TNRC6A: variants seen among roughly 807,000 people sequenced by gnomAD.
TNRC6A encodes the protein trinucleotide repeat-containing gene 6A protein.
In TNRC6A, 44 loss-of-function variants were observed where a neutral mutation model predicts 221.2. The ratio of observed to expected loss-of-function variants is 0.20; its 90% CI spans 0.16 to 0.26. The LOEUF is 0.26. Among genes scored for constraint, TNRC6A ranks in the 10% least tolerant of loss-of-function variants. TNRC6A has a pLI of 1.00. For missense variants in TNRC6A, 2,199 were observed against 2,404.4 expected (o/e 0.91, Z 1.79); for synonymous variants, 847 against 838.5 (o/e 1.01, Z -0.18).
intron 2 of TNRC6A, among the ~76,000 whole-genome samples, chr16:24,657,856 A>G (rs1167497174): frequency 2.0e-5 from 3 of 151,914 alleles, no homozygotes; most frequent in Non-Finnish European, 2.9e-5. Flanking sequence ...TTTTTAAGCC[A>G]AGTTATATGG....
intron 19 of TNRC6A, 105 bp from the exon 20 acceptor site, chr16:24,816,711 T>C: frequency 3.0e-6 from 4 of 1,327,764 alleles, no homozygotes; most frequent in Non-Finnish European, 1.0e-6. Flanking sequence ...AATTGGAAAG[T>C]ATTTGAGAGT....
At position 24,806,193 on chromosome 16, in the gene TNRC6A, A is replaced by C. The variant is rs117721953; in HGVS notation, c.4252-13A>C. The stretch of plus-strand genomic sequence containing the variant: ...GTGTGATAGTAACAACCTTTTCGCT[A>C]TCTTTCCTCTAGCGATTGTTAGCGC... On this transcript the variant is annotated splice_polypyrimidine_tract_variant and intron_variant, in intron 15 of 24. Transcript: ENST00000395799. 9 of 1,613,532 alleles carry C rather than the reference A, an allele frequency of 5.6e-6. No individual in the cohort carries two copies. The highest frequency in any genetic ancestry group is 6.8e-6 in the Non-Finnish European group (8 of 1,179,882).
chr16:24,660,000 A>G (rs937593968), intron 2 of TNRC6A, among the ~76,000 whole-genome samples: 3 of 152,256 alleles, frequency 2.0e-5, no homozygotes, highest in Admixed American at 6.5e-5. Context: ...GGTGAGCTAT[A>G]GTCATATGTT....
At chr16:24,696,302 C>A (rs892672644) in intron 2 of TNRC6A, among the ~76,000 whole-genome samples, 6 of 148,800 alleles carry the variant, frequency 4.0e-5, no homozygotes, top group Non-Finnish European at 8.9e-5. Flanking sequence ...GAGCCCAGAT[C>A]GCGCCACTGC....
chr16:24,657,337 A>C (rs58698309), intron 2 of TNRC6A, among the ~76,000 whole-genome samples: 12 of 134,218 alleles, frequency 8.9e-5, no homozygotes, highest in African/African-American at 2.6e-4. Context: ...AAAAAAAAAA[A>C]AAAAACAAAC....
chr16:24,756,128 T>C (rs1440714062), intron 3 of TNRC6A, among the ~76,000 whole-genome samples: 2 of 152,190 alleles, frequency 1.3e-5, no homozygotes, highest in African/African-American at 2.4e-5. Flanking sequence ...TGTTACTATT[T>C]TGACATGTCA....
At chr16:24,763,847 A>G (rs562931021) in intron 4 of TNRC6A, among the ~76,000 whole-genome samples, 62 of 152,228 alleles carry the variant, frequency 4.1e-4, no homozygotes, top group African/African-American at 1.3e-3. Context: ...CATTTTCTCC[A>G]TAAGATCTTG....
At chr16:24,747,010 G>A (rs924862225) in intron 2 of TNRC6A, among the ~76,000 whole-genome samples, 17 of 152,158 alleles carry the variant, frequency 1.1e-4, no homozygotes, top group Non-Finnish European at 2.9e-5. Context: ...AACGGTACAA[G>A]TAAATCATTT....
chr16:24,731,855 C>G (rs528265688), intron 2 of TNRC6A, among the ~76,000 whole-genome samples: 80 of 152,358 alleles, frequency 5.3e-4, no homozygotes, highest in African/African-American at 1.8e-3. Context: ...TGGCAAGTCA[C>G]TTAGCCTCTC....
Position 24,694,882 on chromosome 16 carries a change from A to G in TNRC6A, n.402+53873A>G, listed in dbSNP as rs1265488680. 3.3e-5 allele frequency among the ~76,000 whole-genome samples: 5 copies of G among 151,840 alleles called. No individual in the cohort carries two copies. In the South Asian group the frequency reaches 8.3e-4, roughly 25 times the overall value. On this transcript the variant is annotated intron_variant and non_coding_transcript_variant, in intron 2 of 2. Coordinates refer to the TNRC6A transcript ENST00000566108. ...CAGGCGGTCAAGGCTGCAGTGAGCT[A>G]TGATCACACGACTGCACTCCAGCCT...
chr16:24,645,468 C>T (rs1902224542), intron 2 of TNRC6A, among the ~76,000 whole-genome samples: 2 of 150,444 alleles, frequency 1.3e-5, no homozygotes, highest in East Asian at 2.0e-4. Context: ...CCAGCCTGGG[C>T]AACAGAGTGA....
chr16:24,694,560 C>T (rs941531477), intron 2 of TNRC6A, among the ~76,000 whole-genome samples: 10 of 145,542 alleles, frequency 6.9e-5, no homozygotes, highest in Admixed American at 1.5e-4. Flanking sequence ...GAGGCTGAGG[C>T]AGGAGAATCG....
At chr16:24,612,198 G>A (rs1310501241) in intron 1 of TNRC6A, among the ~76,000 whole-genome samples, 1 of 152,168 alleles carries the variant, frequency 6.6e-6, no homozygotes, top group Non-Finnish European at 1.5e-5. Flanking sequence ...AAAAGCTTTT[G>A]GTTCACTGTC....
rs753878023 is a variant in TNRC6A, at chr16:24,806,698, C to G, written c.4454C>G (p.Ser1485Cys). 6.2e-7 allele frequency: 1 copy of G among 1,614,066 alleles called. No homozygotes were observed. The highest frequency in any genetic ancestry group is 8.5e-7 in the Non-Finnish European group (1 of 1,180,040). ...QQPLHQPAMK[S>C]FLDNVMPHTT... Reference sequence around the variant, plus strand: ...CCACTCCATCAGCCAGCCATGAAGTCTTTCCTTGACAATGTCATGCCCCAC... The same window carrying G: ...CCACTCCATCAGCCAGCCATGAAGTGTTTCCTTGACAATGTCATGCCCCAC... The change falls in exon 17 of 25, where the codon TCT (serine) becomes TGT (cysteine). Residue 1485 changes from serine to cysteine, a missense_variant. Ser to Cys is a moderately radical substitution (Grantham distance 112). This residue lies in a region of TNRC6A where 449 missense variants were observed against 579.7 expected (regional missense o/e 0.77). Transcript: ENST00000395799.
In TNRC6A at chr16:24,822,866, T is replaced by A; in HGVS notation, c.5374-8T>A. Reference sequence around the variant, plus strand: ...CCTCTCACTGGCAGTTTCCACACTGTTTCCTAGATCGATGGCTCAACTCTG... The same window carrying A: ...CCTCTCACTGGCAGTTTCCACACTGATTCCTAGATCGATGGCTCAACTCTG... On this transcript the variant is annotated splice_polypyrimidine_tract_variant and splice_region_variant and intron_variant, in intron 23 of 24. Coordinates refer to ENST00000395799, the MANE Select transcript of TNRC6A (RefSeq NM_014494.4). 6.2e-7 allele frequency: 1 copy of A among 1,612,998 alleles called. No individual in the cohort carries two copies. Among genetic ancestry groups the A allele is most frequent in the Non-Finnish European group, 8.5e-7 (1 of 1,179,914 alleles).
chr16:24,794,783 AT>A, intron 8 of TNRC6A, 64 bp downstream of exon 8: 2 of 1,521,602 alleles, frequency 1.3e-6, no homozygotes, highest in Non-Finnish European at 1.8e-6. Flanking sequence ...CCCACAGAAA[AT>A]TAACTTTTCG....
chr16:24,693,990 A>ATAT (rs2055807577), intron 2 of TNRC6A, among the ~76,000 whole-genome samples: 1 of 152,178 alleles, frequency 6.6e-6, no homozygotes, highest in South Asian at 2.1e-4. Context: ...GTTTTTCAAC[A>ATAT]TATTATTATT....
upstream of TNRC6A, among the ~76,000 whole-genome samples, chr16:24,725,950 A>C (rs907760225): frequency 2.2e-4 from 33 of 151,628 alleles, no homozygotes; most frequent in Non-Finnish European, 4.0e-4. Flanking sequence ...CAGTGAGCTG[A>C]GATCATGCCA....
chr16:24,618,853 C>T (rs996137795), intron 1 of TNRC6A, among the ~76,000 whole-genome samples: 2 of 151,840 alleles, frequency 1.3e-5, no homozygotes, highest in African/African-American at 2.4e-5. Context: ...TAGTCTCAAA[C>T]TCCGGGCCTC....
Sources: allele counts gnomAD v4.1 joint callset (sites outside exome capture counted in the v4.1 genomes callset), GRCh38; gene constraint gnomAD v4.1.1; regional missense constraint gnomAD v4.1.1; transcripts MANE v1.5; gene names NCBI Gene and HGNC (gene_info 2026-07-23, HGNC 2026-07-21).